The following AKAP19 variants were observed in gnomAD, a reference collection of about 807,000 sequenced individuals.
AKAP19 encodes the protein A-kinase anchoring protein 19, also known as small A-kinase anchoring protein.
chr2:190,166,358 CT>C, the AKAP19 span, among the ~76,000 whole-genome samples: 1 of 98,508 alleles, frequency 1.0e-5, no homozygotes, highest in Non-Finnish European at 1.9e-5. Flanking sequence ...GTCTGCTACA[CT>C]TTTGCAAAAC....
chr2:190,001,959 T>A, the AKAP19 span, among the ~76,000 whole-genome samples: 1 of 152,166 alleles, frequency 6.6e-6, no homozygotes, highest in Non-Finnish European at 1.5e-5. Flanking sequence ...GGAAATCACT[T>A]CCACCAACAA....
At chr2:190,140,814 C>A in the AKAP19 span, among the ~76,000 whole-genome samples, 4 of 152,216 alleles carry the variant, frequency 2.6e-5, no homozygotes, top group Non-Finnish European at 5.9e-5. Context: ...ATGCAAATTT[C>A]TGCAACGGGC....
the AKAP19 span, among the ~76,000 whole-genome samples, chr2:190,004,581 T>C: frequency 1.3e-4 from 18 of 143,730 alleles, no homozygotes; most frequent in Non-Finnish European, 2.6e-4. Flanking sequence ...ATAAACCTTT[T>C]TATTTTTTTT....
At chr2:189,910,432 A>G in the AKAP19 span, among the ~76,000 whole-genome samples, 1 of 152,026 alleles carries the variant, frequency 6.6e-6, no homozygotes, top group Non-Finnish European at 1.5e-5. Flanking sequence ...CTCTTACCCG[A>G]ATACTTTCCT....
chr2:190,079,424 T>C, the AKAP19 span: 2 of 152,266 alleles, frequency 1.3e-5, no homozygotes, highest in Non-Finnish European at 2.9e-5. Flanking sequence ...TAGCTGGCAA[T>C]GAATTTGTCA....
chr2:190,086,615 G>A, the AKAP19 span, among the ~76,000 whole-genome samples: 967 of 152,264 alleles, frequency 6.4e-3, 17 homozygotes, highest in African/African-American at 0.022. Context: ...TTAGCTAGGT[G>A]TTATTATTTA....
chr2:190,073,166 T>A, the AKAP19 span, among the ~76,000 whole-genome samples: 10 of 151,930 alleles, frequency 6.6e-5, no homozygotes, highest in South Asian at 2.1e-4. Flanking sequence ...ATTAAAAGAG[T>A]ATACTGCAAA....
the AKAP19 span, chr2:190,062,701 G>T: frequency 9.3e-7 from 1 of 1,080,642 alleles, no homozygotes; most frequent in Non-Finnish European, 1.3e-6. Flanking sequence ...TGTACAGTCT[G>T]AGAGACAACT....
the AKAP19 span, among the ~76,000 whole-genome samples, chr2:190,015,149 T>C: frequency 6.6e-6 from 1 of 152,176 alleles, no homozygotes; most frequent in East Asian, 1.9e-4. Context: ...CAGTGAGGAC[T>C]CTCTGTGGGG....
the AKAP19 span, chr2:190,200,151 CT>C: frequency 6.2e-7 from 1 of 1,612,082 alleles, no homozygotes; most frequent in Non-Finnish European, 8.5e-7. Flanking sequence ...GGCCTTGAGG[CT>C]GTAGGATGAC....
At chr2:190,178,329 G>A in the AKAP19 span, among the ~76,000 whole-genome samples, 1 of 152,236 alleles carries the variant, frequency 6.6e-6, no homozygotes, top group African/African-American at 2.4e-5. This position sits in a 1 kb window ranked among gnomAD's most constrained non-coding sequence, Gnocchi z 6.3. Flanking sequence ...CCTGAGGAGA[G>A]AAGTCAAGGC....
chr2:189,923,753 G>A, the AKAP19 span: 2 of 1,613,564 alleles, frequency 1.2e-6, no homozygotes, highest in East Asian at 2.2e-5. Context: ...TGCTCGGGCT[G>A]TAGTGCCCTC....
At chr2:189,879,679 G>C in the AKAP19 span, 1 of 152,348 alleles carries the variant, frequency 6.6e-6, no homozygotes, top group Non-Finnish European at 1.5e-5. Context: ...CAGAATGGAG[G>C]TAACGGCTGC....
At chr2:189,979,106 A>C in the AKAP19 span, among the ~76,000 whole-genome samples, 1 of 152,130 alleles carries the variant, frequency 6.6e-6, no homozygotes, top group Non-Finnish European at 1.5e-5. Flanking sequence ...GAAACCAAAA[A>C]AGAGCTCAAA....
At chr2:189,977,072 G>T in the AKAP19 span, among the ~76,000 whole-genome samples, 4 of 152,160 alleles carry the variant, frequency 2.6e-5, no homozygotes, top group Non-Finnish European at 5.9e-5. Context: ...CATCGCTCAC[G>T]CTGGGAGCTG....
the AKAP19 span, among the ~76,000 whole-genome samples, chr2:190,184,666 CT>C: frequency 6.6e-6 from 1 of 152,132 alleles, no homozygotes; most frequent in African/African-American, 2.4e-5. Flanking sequence ...ACGGCTTCCC[CT>C]ATCCTCAAAG....
the AKAP19 span, among the ~76,000 whole-genome samples, chr2:189,989,294 A>G: frequency 2.6e-5 from 4 of 152,200 alleles, no homozygotes; most frequent in African/African-American, 7.2e-5. Context: ...AAAAAAGGAA[A>G]AAAAGGAGTA....
At chr2:189,936,040 T>A in the AKAP19 span, among the ~76,000 whole-genome samples, 3 of 152,140 alleles carry the variant, frequency 2.0e-5, no homozygotes, top group African/African-American at 7.2e-5. Flanking sequence ...CTTTAGGAAA[T>A]CATTTAATAT....
chr2:190,083,719 A>T, the AKAP19 span, among the ~76,000 whole-genome samples: 1 of 152,228 alleles, frequency 6.6e-6, no homozygotes, highest in East Asian at 1.9e-4. Flanking sequence ...AGCGACAGTC[A>T]GTCTAGAGTC....
Sources: gnomAD v4.1 joint callset for allele counts (sites outside exome capture counted in the v4.1 genomes callset) on GRCh38, gnomAD v4.1.1 for gene constraint, Gnocchi (gnomAD v3.1) non-coding constraint, MANE v1.5 for transcripts, NCBI Gene and HGNC (gene_info 2026-07-23, HGNC 2026-07-21) for gene names.